Variants in ELAVL2 observed in about 807,000 individuals in gnomAD.
ELAVL2 encodes ELAV-like protein 2.
ELAVL2 carries 4 observed loss-of-function variants against 34.6 expected under a neutral mutation model. The observed-to-expected ratio is 0.12, with a 90% CI of 0.06 to 0.26. The LOEUF is 0.26. Among genes scored for constraint, ELAVL2 ranks in the 10% least tolerant of loss-of-function variants. ELAVL2 has a pLI of 1.00. For missense variants in ELAVL2, 432 were observed against 442.8 expected (o/e 0.98, Z 0.22); for synonymous variants, 193 against 154.8 (o/e 1.25, Z -1.83).
chr9:23,782,177 A>G (rs928079339), intron 1 of ELAVL2, among the ~76,000 whole-genome samples: 1 of 152,188 alleles, frequency 6.6e-6, no homozygotes, highest in African/African-American at 2.4e-5. Context: ...AAACACTTTT[A>G]TTACTGAACA....
intron 2 of ELAVL2, among the ~76,000 whole-genome samples, chr9:23,746,924 A>T (rs1564240989): frequency 6.6e-6 from 1 of 152,092 alleles, no homozygotes; most frequent in Non-Finnish European, 1.5e-5. Flanking sequence ...GGACCAGACT[A>T]TACTTTACAT....
intron 2 of ELAVL2, among the ~76,000 whole-genome samples, chr9:23,732,082 A>G (rs2046713088): frequency 6.6e-6 from 1 of 152,232 alleles, no homozygotes; most frequent in African/African-American, 2.4e-5. Context: ...ATGGCATAAG[A>G]AAAGTTTAGT....
At chr9:23,760,036 T>C (rs2054590510) in intron 2 of ELAVL2, among the ~76,000 whole-genome samples, 1 of 151,650 alleles carries the variant, frequency 6.6e-6, no homozygotes, top group African/African-American at 2.4e-5. Context: ...AGAATACCCA[T>C]GTGTTGTGCT....
At chr9:23,805,032 G>T (rs2062036605) in intron 1 of ELAVL2, among the ~76,000 whole-genome samples, 1 of 152,048 alleles carries the variant, frequency 6.6e-6, no homozygotes, top group Non-Finnish European at 1.5e-5. Flanking sequence ...ATAAATGCTG[G>T]GAAAGTCAGC....
At chr9:23,716,282 T>C (rs143239383) in intron 3 of ELAVL2, among the ~76,000 whole-genome samples, 3,080 of 152,268 alleles carry the variant, frequency 0.02, 44 homozygotes, top group Admixed American at 0.03. Context: ...ACCTGCACGT[T>C]GTGCACATGT....
chr9:23,829,378 G>A (rs1318071236), upstream of ELAVL2, among the ~76,000 whole-genome samples: 1 of 152,194 alleles, frequency 6.6e-6, no homozygotes, highest in Non-Finnish European at 1.5e-5. Context: ...GAGGTCCTGG[G>A]AGCAAGGGAA....
At chr9:23,713,270 A>G (rs191406987) in intron 3 of ELAVL2, among the ~76,000 whole-genome samples, 2 of 152,326 alleles carry the variant, frequency 1.3e-5, no homozygotes, top group African/African-American at 2.4e-5. Context: ...ATACCTTACC[A>G]TTTCTTAAAT....
At chr9:23,731,220 A>G (rs1389204103) in intron 2 of ELAVL2, 95 bp from the exon 3 acceptor site, 9 of 960,832 alleles carry the variant, frequency 9.4e-6, no homozygotes, top group Non-Finnish European at 1.4e-5. Flanking sequence ...CATTAACACC[A>G]GCATATTTCC....
At chr9:23,737,730 T>C (rs778603152) in intron 2 of ELAVL2, among the ~76,000 whole-genome samples, 1 of 152,158 alleles carries the variant, frequency 6.6e-6, no homozygotes, top group East Asian at 1.9e-4. Flanking sequence ...TAATGTTTTA[T>C]GAAATAAAAG....
intron 1 of ELAVL2, among the ~76,000 whole-genome samples, chr9:23,808,662 C>G (rs1377771743): frequency 6.6e-6 from 1 of 152,096 alleles, no homozygotes; most frequent in Non-Finnish European, 1.5e-5. Flanking sequence ...CTAATAAAAA[C>G]TTTAGATGTA....
intron 1 of ELAVL2, among the ~76,000 whole-genome samples, chr9:23,801,124 C>T (rs1267074094): frequency 2.0e-5 from 3 of 152,156 alleles, no homozygotes; most frequent in African/African-American, 4.8e-5. Context: ...AGAAGCCCTC[C>T]AGACTATTTC....
Position 23,802,471 on chromosome 9 carries a change from C to A in ELAVL2, c.-16+23335G>T, listed in dbSNP as rs1389085132. On this transcript the variant is annotated intron_variant, in intron 1 of 6. Transcript: ENST00000397312. The stretch of plus-strand genomic sequence containing the variant: ...AAGACAATCTTACCTCCAAAGTACT[C>A]CAATTCCACAGCTTTATTCTTAAAT... Among the ~76,000 whole-genome samples, 5 of 152,174 alleles carry A rather than the reference C, an allele frequency of 3.3e-5. No homozygotes were observed. In the East Asian group the frequency reaches 9.6e-4, roughly 29 times the overall value.
chr9:23,793,601 C>G (rs1374723941), intron 1 of ELAVL2, among the ~76,000 whole-genome samples: 1 of 152,166 alleles, frequency 6.6e-6, no homozygotes, highest in Non-Finnish European at 1.5e-5. Context: ...CAAAGAACAT[C>G]ATAACAAGCC....
At chr9:23,835,156 T>G in the ELAVL2 span, among the ~76,000 whole-genome samples, 1 of 152,118 alleles carries the variant, frequency 6.6e-6, no homozygotes, top group South Asian at 2.1e-4. Context: ...ACATTAGTGT[T>G]TGGCATTAAG....
intron 1 of ELAVL2, among the ~76,000 whole-genome samples, chr9:23,824,121 C>A (rs1375802310): frequency 1.3e-5 from 2 of 152,140 alleles, no homozygotes; most frequent in African/African-American, 4.8e-5. Flanking sequence ...CTCTCACCCT[C>A]GCCATAATAA....
At chr9:23,722,887 G>A (rs923887397) in intron 3 of ELAVL2, among the ~76,000 whole-genome samples, 3 of 152,114 alleles carry the variant, frequency 2.0e-5, no homozygotes, top group African/African-American at 7.2e-5. Context: ...GCTCCTTCTT[G>A]GGAAGTTAAC....
chr9:23,757,480 G>C (rs914573755), intron 2 of ELAVL2, among the ~76,000 whole-genome samples: 1 of 151,988 alleles, frequency 6.6e-6, no homozygotes, highest in Non-Finnish European at 1.5e-5. Context: ...TTGGGGCAAA[G>C]AAGGGAGAGG....
intron 2 of ELAVL2, among the ~76,000 whole-genome samples, chr9:23,757,842 G>T (rs960352248): frequency 1.3e-5 from 2 of 151,962 alleles, no homozygotes; most frequent in African/African-American, 4.8e-5. Context: ...ATCCTCACTC[G>T]ATCAAAATAG....
intron 2 of ELAVL2, among the ~76,000 whole-genome samples, chr9:23,747,817 A>C (rs2050875360): frequency 6.6e-6 from 1 of 152,200 alleles, no homozygotes; most frequent in Non-Finnish European, 1.5e-5. Flanking sequence ...GTCTGAAAAT[A>C]AATCCAGTCA....
Sources: allele counts gnomAD v4.1 joint callset (sites outside exome capture counted in the v4.1 genomes callset), GRCh38; gene constraint gnomAD v4.1.1; transcripts MANE v1.5; gene names NCBI Gene and HGNC (gene_info 2026-07-23, HGNC 2026-07-21).